ARHGEF3: variants seen among roughly 807,000 people sequenced by gnomAD.
ARHGEF3 encodes 59.8 kDA protein.
Under a neutral mutation model 63.2 loss-of-function variants are expected in ARHGEF3, and 28 were observed. The observed-to-expected ratio is 0.44, with a 90% confidence interval of 0.33 to 0.61. ARHGEF3 has a LOEUF of 0.61. ARHGEF3 is among the 20% of genes least tolerant of loss of function. ARHGEF3 has a pLI of 0.03. For missense variants in ARHGEF3, 533 were observed against 659.3 expected (o/e 0.81, Z 2.10); for synonymous variants, 266 against 254.2 (o/e 1.05, Z -0.44).
chr3:56,952,552 T>C (rs2106697596), intron 3 of ARHGEF3, among the ~76,000 whole-genome samples: 1 of 152,312 alleles, frequency 6.6e-6, no homozygotes, highest in Admixed American at 6.5e-5. Context: ...AGCAGTAGAA[T>C]ATTAAGGTAC....
intron 8 of ARHGEF3, among the ~76,000 whole-genome samples, chr3:56,734,394 T>C (rs920010181): frequency 1.3e-5 from 2 of 152,068 alleles, no homozygotes; most frequent in Non-Finnish European, 2.9e-5. Flanking sequence ...GGCATAAAGA[T>C]AGGAACAACA....
chr3:56,808,253 C>T (rs1388202400), intron 4 of ARHGEF3, among the ~76,000 whole-genome samples: 1 of 151,842 alleles, frequency 6.6e-6, no homozygotes, highest in African/African-American at 2.4e-5. Context: ...CTGAGCTAAT[C>T]CTGTGGATTA....
chr3:56,982,735 T>G (rs981205257), intron 2 of ARHGEF3, among the ~76,000 whole-genome samples: 1 of 152,140 alleles, frequency 6.6e-6, no homozygotes, highest in Admixed American at 6.5e-5. Context: ...AGTGAGTGCC[T>G]AGTGTGCTCC....
At chr3:56,737,080 G>T in intron 8 of ARHGEF3, 105 bp downstream of exon 8, 1 of 1,261,502 alleles carries the variant, frequency 7.9e-7, no homozygotes, top group Non-Finnish European at 1.1e-6. Flanking sequence ...TCTCAAAAAA[G>T]AACATGACCC....
chr3:56,988,971 G>A (rs1221087963), intron 2 of ARHGEF3, among the ~76,000 whole-genome samples: 2 of 152,166 alleles, frequency 1.3e-5, no homozygotes, highest in South Asian at 2.1e-4. Flanking sequence ...CCCTCTTGAG[G>A]ACTCAAAGTT....
At chr3:56,882,238 TC>T in intron 4 of ARHGEF3, 1 of 1,494,610 alleles carries the variant, frequency 6.7e-7, no homozygotes, top group Non-Finnish European at 9.1e-7. Flanking sequence ...CAAATAACCT[TC>T]GGAGAAGAGA....
chr3:57,050,428 C>T (rs947804907), intron 1 of ARHGEF3, among the ~76,000 whole-genome samples: 2 of 152,230 alleles, frequency 1.3e-5, no homozygotes, highest in African/African-American at 4.8e-5. Context: ...CAGGGCAGCT[C>T]TATGCTGCCT....
chr3:56,913,834 A>AC (rs530840059), intron 3 of ARHGEF3, among the ~76,000 whole-genome samples: 217 of 152,374 alleles, frequency 1.4e-3, no homozygotes, highest in Admixed American at 2.4e-3. Context: ...AGATACTTGC[A>AC]CATGCATGTT....
intron 2 of ARHGEF3, among the ~76,000 whole-genome samples, chr3:56,766,150 C>T (rs942363020): frequency 6.6e-6 from 1 of 152,104 alleles, no homozygotes; most frequent in African/African-American, 2.4e-5. Flanking sequence ...TCAAGTAGAA[C>T]TTTTACAATC....
chr3:57,078,402 C>T (rs1389246051), intron 1 of ARHGEF3: 5 of 152,300 alleles, frequency 3.3e-5, no homozygotes, highest in Non-Finnish European at 7.3e-5. Flanking sequence ...GCCGAGTCCT[C>T]TAAGAACAAG....
chr3:56,860,632 G>C (rs1260052859), intron 4 of ARHGEF3, among the ~76,000 whole-genome samples: 1 of 152,122 alleles, frequency 6.6e-6, no homozygotes, highest in Non-Finnish European at 1.5e-5. Context: ...ATATTGCTGT[G>C]GTTTTTTGTC....
At chr3:56,754,838 C>T (rs1240209421) in intron 3 of ARHGEF3, 143 bp downstream of exon 3, 3 of 1,122,142 alleles carry the variant, frequency 2.7e-6, no homozygotes, top group Non-Finnish European at 2.5e-6. Flanking sequence ...AGTTCCTTCC[C>T]CAAGGTCAGA....
exon 3 of ARHGEF3, chr3:56,958,882 G>C: frequency 1.3e-6 from 2 of 1,551,054 alleles, no homozygotes; most frequent in Non-Finnish European, 1.7e-6. Flanking sequence ...TGCCGCTGCC[G>C]TTTAGGCCTA....
At chr3:57,029,972 A>G (rs552648735) in intron 2 of ARHGEF3, among the ~76,000 whole-genome samples, 1 of 152,318 alleles carries the variant, frequency 6.6e-6, no homozygotes, top group South Asian at 2.1e-4. Flanking sequence ...TGACCAAAAC[A>G]GCCCTGGCCT....
At chr3:56,898,927 G>A (rs1243617969) in intron 3 of ARHGEF3, among the ~76,000 whole-genome samples, 6 of 152,270 alleles carry the variant, frequency 3.9e-5, no homozygotes, top group African/African-American at 1.2e-4. Flanking sequence ...GGTGGCACAC[G>A]CCTGTAGTCC....
chr3:56,967,442 TTATATATTA>T, intron 2 of ARHGEF3, among the ~76,000 whole-genome samples: 1 of 75,400 alleles, frequency 1.3e-5, no homozygotes, highest in Non-Finnish European at 2.2e-5. Context: ...ATATAATATA[TTATATATTA>T]TACATATTAT....
intron 4 of ARHGEF3, among the ~76,000 whole-genome samples, chr3:56,851,821 C>G (rs1040839133): frequency 1.4e-5 from 2 of 143,398 alleles, no homozygotes; most frequent in Non-Finnish European, 3.1e-5. Flanking sequence ...GTTGCCCAGG[C>G]TGGTCTTGAA....
chr3:56,867,096 T>G (rs566031930), intron 4 of ARHGEF3, among the ~76,000 whole-genome samples: 4 of 152,368 alleles, frequency 2.6e-5, no homozygotes, highest in African/African-American at 7.2e-5. Flanking sequence ...TTTGTTGTAC[T>G]GGTTTTCTTT....
chr3:56,818,522 G>GA (rs1342782471), intron 4 of ARHGEF3, among the ~76,000 whole-genome samples: 1 of 152,066 alleles, frequency 6.6e-6, no homozygotes, highest in Non-Finnish European at 1.5e-5. Context: ...GAATTCAAAG[G>GA]AAAAAAGACC....
Sources: allele counts gnomAD v4.1 joint callset (sites outside exome capture counted in the v4.1 genomes callset), GRCh38; gene constraint gnomAD v4.1.1; transcripts MANE v1.5; gene names NCBI Gene and HGNC (gene_info 2026-07-23, HGNC 2026-07-21).